The following GLCE variants were observed in gnomAD, a reference collection of about 807,000 sequenced individuals.
GLCE encodes the protein glucuronic acid epimerase.
A neutral mutation model predicts 47.9 loss-of-function variants in GLCE; 19 were observed. The observed-to-expected ratio is 0.40, with a 90% CI of 0.28 to 0.58. The LOEUF (loss-of-function observed/expected upper bound fraction) is 0.58. Ranked by LOEUF, GLCE falls within the 20% of genes least tolerant of loss-of-function variation. GLCE has a pLI of 0.48. For missense variants in GLCE, 556 were observed against 743.3 expected, an observed-to-expected ratio of 0.75 and a Z score of 2.93; for synonymous variants, 245 against 263.4, an observed-to-expected ratio of 0.93 and a Z score of 0.68.
chr15:69,256,035 T>G lies in GLCE; in HGVS notation c.229T>G (p.Phe77Val), dbSNP rs756184579. Residue 77 changes from phenylalanine (F) to valine (V), a missense_variant, in exon 3 of 5, where the codon TTC becomes GTC. Phe to Val is a conservative substitution (Grantham distance 50). Coordinates refer to ENST00000261858, the MANE Select transcript of GLCE (RefSeq NM_015554.3). ...HVAKQQSEEA[F>V]PQEQQKAPPV... ...GGCCAAACAACAGTCTGAGGAAGCA[T>G]TCCCTCAGGAACAGCAGAAAGCACC... 1 of 1,613,786 alleles carries G rather than the reference T, an allele frequency of 6.2e-7. No homozygotes were observed. Among genetic ancestry groups the G allele is most frequent in the Admixed American group, 1.7e-5 (1 of 60,008 alleles).
chr15:69,241,725 G>A (rs2052674347), intron 2 of GLCE, among the ~76,000 whole-genome samples: 1 of 152,188 alleles, frequency 6.6e-6, no homozygotes, highest in South Asian at 2.1e-4. Context: ...AGAAAAGCAG[G>A]TTTTTAGGTC....
At chr15:69,185,861 C>T (rs766546873) in intron 1 of GLCE, among the ~76,000 whole-genome samples, 2 of 152,044 alleles carry the variant, frequency 1.3e-5, no homozygotes, top group Non-Finnish European at 2.9e-5. Context: ...CTTCAGACAC[C>T]AGTTGCAAAT....
intron 1 of GLCE, among the ~76,000 whole-genome samples, chr15:69,207,186 T>C (rs924149742): frequency 6.6e-6 from 1 of 152,156 alleles, no homozygotes; most frequent in Non-Finnish European, 1.5e-5. Flanking sequence ...GCCATTCATT[T>C]ATAATACAGC....
intron 2 of GLCE, among the ~76,000 whole-genome samples, chr15:69,220,226 A>T (rs1478248775): frequency 6.6e-6 from 1 of 152,116 alleles, no homozygotes; most frequent in Non-Finnish European, 1.5e-5. Context: ...TTCTTTAGGG[A>T]TATACTGAGA....
At chr15:69,225,274 T>C (rs898359286) in intron 2 of GLCE, among the ~76,000 whole-genome samples, 2 of 152,092 alleles carry the variant, frequency 1.3e-5, no homozygotes, top group Non-Finnish European at 2.9e-5. Context: ...GTTTTGGGAA[T>C]GTATGCAGTA....
chr15:69,169,816 C>G (rs932956741), intron 1 of GLCE, among the ~76,000 whole-genome samples: 1 of 151,962 alleles, frequency 6.6e-6, no homozygotes, highest in Non-Finnish European at 1.5e-5. Context: ...GGGTTGGTTC[C>G]AAGTCTTTGC....
chr15:69,231,659 G>A (rs868241758), intron 2 of GLCE, among the ~76,000 whole-genome samples: 7 of 152,174 alleles, frequency 4.6e-5, no homozygotes, highest in South Asian at 2.1e-4. Context: ...CTCAGCAAAT[G>A]CCCTCATTTC....
At chr15:69,202,283 A>T (rs778125210) in intron 1 of GLCE, among the ~76,000 whole-genome samples, 10 of 152,254 alleles carry the variant, frequency 6.6e-5, no homozygotes, top group South Asian at 2.1e-4. Flanking sequence ...AAAAATCAAC[A>T]GTTGCTTTAA....
intron 2 of GLCE, among the ~76,000 whole-genome samples, chr15:69,225,907 A>G (rs1435872977): frequency 6.6e-6 from 1 of 152,216 alleles, no homozygotes; most frequent in Non-Finnish European, 1.5e-5. Flanking sequence ...AAAAACAGCT[A>G]AAAGCCTACA....
At chr15:69,182,869 G>C (rs547598261) in intron 1 of GLCE, among the ~76,000 whole-genome samples, 1 of 152,040 alleles carries the variant, frequency 6.6e-6, no homozygotes, top group Non-Finnish European at 1.5e-5. Flanking sequence ...ACAAAAATTA[G>C]TCGGGTGTGG....
intron 1 of GLCE, among the ~76,000 whole-genome samples, chr15:69,179,481 G>GT (rs1157690200): frequency 2.6e-5 from 4 of 152,132 alleles, no homozygotes; most frequent in Non-Finnish European, 4.4e-5. Flanking sequence ...GGCACTCATT[G>GT]TATGTGTGTA....
chr15:69,243,301 C>A (rs2140421640), intron 2 of GLCE, among the ~76,000 whole-genome samples: 1 of 152,186 alleles, frequency 6.6e-6, no homozygotes, highest in South Asian at 2.1e-4. Context: ...GTGTCTTCCC[C>A]CAACTTCTAG....
At position 69,256,059 on chromosome 15, in the gene GLCE, C is replaced by A. The variant is rs746583276; in HGVS notation, c.253C>A (p.Pro85Thr). The A allele has an allele frequency of 5.6e-6, 9 of 1,614,012 alleles. No individual in the cohort carries two copies. Among genetic ancestry groups the A allele is most frequent in the Non-Finnish European group, 6.8e-6 (8 of 1,179,958 alleles). The stretch of plus-strand genomic sequence containing the variant: ...ATTCCCTCAGGAACAGCAGAAAGCA[C>A]CCCCTGTTGTTGGGGGCTTCAATAG... ...EAFPQEQQKAPPVVGGFNSNV... is the reference protein window; with the variant it reads ...EAFPQEQQKATPVVGGFNSNV... Residue 85 changes from proline to threonine, a missense_variant, in exon 3 of 5, where the codon CCC becomes ACC. Around this residue, in one of 3 missense-constraint regions of GLCE, gnomAD observed 237 missense variants for 310.9 expected, o/e 0.76. Transcript: ENST00000261858.
chr15:69,230,376 G>GTA (rs1329146054), intron 2 of GLCE, among the ~76,000 whole-genome samples: 1 of 152,118 alleles, frequency 6.6e-6, no homozygotes, highest in Admixed American at 6.5e-5. Flanking sequence ...TTTACCAAGA[G>GTA]TATATAGTGA....
At chr15:69,191,474 G>A (rs1367520817) in intron 1 of GLCE, among the ~76,000 whole-genome samples, 2 of 152,084 alleles carry the variant, frequency 1.3e-5, no homozygotes, top group African/African-American at 4.8e-5. Context: ...AGGAAACAAG[G>A]CACAAGCTTA....
intron 2 of GLCE, among the ~76,000 whole-genome samples, chr15:69,230,961 C>T (rs1047703783): frequency 5.9e-5 from 9 of 152,078 alleles, no homozygotes; most frequent in Admixed American, 2.0e-4. Flanking sequence ...GCTCATGGCT[C>T]CCTTCTAAAG....
chr15:69,221,862 CAAAAAAAA>C (rs35986310), intron 2 of GLCE, among the ~76,000 whole-genome samples: 5 of 87,446 alleles, frequency 5.7e-5, no homozygotes, highest in African/African-American at 8.3e-5. Flanking sequence ...GACGCTGTCT[CAAAAAAAA>C]AAAAAAAAAA....
chr15:69,254,071 A>AT (rs1032251378), intron 2 of GLCE, among the ~76,000 whole-genome samples: 2 of 152,022 alleles, frequency 1.3e-5, no homozygotes, highest in African/African-American at 2.4e-5. Context: ...TTAGCATTTG[A>AT]TTTTTTTTAA....
chr15:69,264,346 A>G (rs924118321), intron 4 of GLCE, among the ~76,000 whole-genome samples: 8 of 152,054 alleles, frequency 5.3e-5, no homozygotes, highest in Admixed American at 3.9e-4. Context: ...TATGGCTAAT[A>G]TTCTATTCTA....
Sources: gnomAD v4.1 joint callset for allele counts (sites outside exome capture counted in the v4.1 genomes callset) on GRCh38, gnomAD v4.1.1 for gene constraint, gnomAD v4.1.1 regional missense constraint, MANE v1.5 for transcripts, NCBI Gene and HGNC (gene_info 2026-07-23, HGNC 2026-07-21) for gene names.